PAM: variants seen among roughly 807,000 people sequenced by gnomAD.
PAM encodes peptidyl-glycine alpha-amidating monooxygenase.
A neutral mutation model predicts 122.1 loss-of-function variants in PAM; 72 were observed. The ratio of observed to expected loss-of-function variants is 0.59; its 90% CI spans 0.49 to 0.72. The LOEUF (loss-of-function observed/expected upper bound fraction) is 0.72, where lower values mean the gene tolerates loss of function less well. Ranked by LOEUF, PAM falls within the 30% of genes least tolerant of loss-of-function variation. PAM has a pLI of 0.00. For synonymous variants in PAM, 389 were observed against 404.4 expected (o/e 0.96, Z 0.46); for missense variants, 1,106 against 1,183.7 (o/e 0.93, Z 0.96).
chr5:102,969,533 A>G (rs1765200726), intron 14 of PAM, among the ~76,000 whole-genome samples: 1 of 152,132 alleles, frequency 6.6e-6, no homozygotes, highest in Non-Finnish European at 1.5e-5. Flanking sequence ...AGATTCCCAA[A>G]TGAGTACTGG....
chr5:102,908,737 AT>A (rs1800466952), intron 4 of PAM, among the ~76,000 whole-genome samples: 4 of 151,674 alleles, frequency 2.6e-5, no homozygotes, highest in African/African-American at 9.7e-5. Flanking sequence ...AAAAAAAATA[AT>A]AAATAAATAA....
At chr5:102,940,199 T>C (rs34279886) in intron 7 of PAM, among the ~76,000 whole-genome samples, 8,993 of 151,172 alleles carry the variant, frequency 0.059, 429 homozygotes, top group Non-Finnish European at 0.085. Flanking sequence ...TATTCAAAAA[T>C]TTATAATAGA....
At chr5:102,758,694 A>T (rs1751389603) in intron 1 of PAM, among the ~76,000 whole-genome samples, 1 of 152,204 alleles carries the variant, frequency 6.6e-6, no homozygotes, top group African/African-American at 2.4e-5. Flanking sequence ...CCTCTCCAAA[A>T]TGGGAATAAT....
chr5:103,000,183 T>C (rs755415970), intron 16 of PAM, among the ~76,000 whole-genome samples: 20 of 152,188 alleles, frequency 1.3e-4, no homozygotes, highest in Non-Finnish European at 2.1e-4. Flanking sequence ...AGACATTTCT[T>C]CCACCAGATC....
At chr5:102,954,134 A>G (rs1759921026) in intron 12 of PAM, among the ~76,000 whole-genome samples, 1 of 152,168 alleles carries the variant, frequency 6.6e-6, no homozygotes, top group Admixed American at 6.6e-5. Flanking sequence ...AAAAAATCAC[A>G]TTGTACCTTA....
intron 16 of PAM, among the ~76,000 whole-genome samples, chr5:102,992,181 G>C (rs1260308020): frequency 1.3e-5 from 2 of 152,122 alleles, no homozygotes; most frequent in African/African-American, 4.8e-5. Context: ...TGTGGAAATA[G>C]ATTCTGGTTT....
rs552136505 is a variant in PAM, at chr5:102,906,608, T to G, written c.268+5195T>G. Among the ~76,000 whole-genome samples the G allele has an allele frequency of 2.0e-5, 3 of 151,822 alleles. No homozygotes were observed. In the East Asian group the frequency reaches 5.9e-4, roughly 30 times the overall value. Reference sequence around the variant, plus strand: ...CTACTAGGGGACAAATTACTTCACTTCTCTTTCCTGAAGGCTCATCTATTT... The same window carrying G: ...CTACTAGGGGACAAATTACTTCACTGCTCTTTCCTGAAGGCTCATCTATTT... On this transcript the variant is annotated intron_variant, in intron 4 of 25. Transcript: ENST00000438793.
chr5:102,940,730 T>G (rs1017629031), intron 7 of PAM, among the ~76,000 whole-genome samples: 2 of 152,098 alleles, frequency 1.3e-5, no homozygotes, highest in African/African-American at 4.8e-5. Flanking sequence ...AGACAACTCT[T>G]TCAGAAGACA....
chr5:102,819,984 A>G (rs1771234812), intron 1 of PAM, among the ~76,000 whole-genome samples: 1 of 152,206 alleles, frequency 6.6e-6, no homozygotes, highest in Non-Finnish European at 1.5e-5. Flanking sequence ...TAAGTAGAGT[A>G]TGTTCCTTTA....
chr5:103,021,941 A>C (rs1273905949), intron 23 of PAM, among the ~76,000 whole-genome samples: 1 of 152,122 alleles, frequency 6.6e-6, no homozygotes, highest in African/African-American at 2.4e-5. Flanking sequence ...ACTAATTATT[A>C]TTAAAAAGGT....
At chr5:103,019,968 T>G (rs1241534950) in intron 23 of PAM, 125 bp downstream of exon 23, 8 of 738,248 alleles carry the variant, frequency 1.1e-5, no homozygotes, top group Middle Eastern at 2.4e-4. Context: ...TATCAGTGAC[T>G]TCTGCTATGT....
chr5:102,923,650 C>T (rs570373026), intron 5 of PAM, among the ~76,000 whole-genome samples: 14 of 152,296 alleles, frequency 9.2e-5, no homozygotes, highest in African/African-American at 3.1e-4. Context: ...GACATACTAC[C>T]ATCTATTAAT....
At chr5:102,835,863 T>C (rs1056165603) in intron 1 of PAM, among the ~76,000 whole-genome samples, 4 of 152,140 alleles carry the variant, frequency 2.6e-5, no homozygotes, top group African/African-American at 9.7e-5. Flanking sequence ...ATTGCAGAAA[T>C]TGCTATATAT....
intron 12 of PAM, among the ~76,000 whole-genome samples, chr5:102,952,530 G>A (rs1238581249): frequency 3.3e-5 from 5 of 151,656 alleles, no homozygotes; most frequent in African/African-American, 1.2e-4. Flanking sequence ...TATTGGGTGA[G>A]TCCATATTCT....
intron 1 of PAM, among the ~76,000 whole-genome samples, chr5:102,815,625 A>G (rs1019388840): frequency 6.6e-6 from 1 of 152,040 alleles, no homozygotes; most frequent in Non-Finnish European, 1.5e-5. Context: ...ATTCAGAAAA[A>G]ACTTGTGCTT....
rs560732353 is a variant in PAM, at chr5:102,968,793, C to T, written c.1163-5323C>T. Among the ~76,000 whole-genome samples the T allele has an allele frequency of 1.1e-4, 16 of 152,148 alleles. No homozygotes were observed. The East Asian group carries it at 1.9e-3, about 18-fold the overall frequency. On this transcript the variant is annotated intron_variant, in intron 14 of 25. Transcript: ENST00000438793. ...TACTGTAAAGACACATGCACACATG[C>T]GTTTATTGCAGCACTATTCCCAATA...
At chr5:103,005,775 A>G (rs1778769712) in intron 18 of PAM, among the ~76,000 whole-genome samples, 1 of 152,228 alleles carries the variant, frequency 6.6e-6, no homozygotes, top group Non-Finnish European at 1.5e-5. Flanking sequence ...ATGCTAGGGA[A>G]AGCTAGTATG....
chr5:102,854,338 A>G (rs924682435), intron 1 of PAM, among the ~76,000 whole-genome samples: 8 of 152,286 alleles, frequency 5.3e-5, no homozygotes, highest in Non-Finnish European at 1.0e-4. Context: ...CAAAAATGGG[A>G]ATGACTTCTC....
chr5:102,901,950 G>A (rs1035791403), intron 4 of PAM, among the ~76,000 whole-genome samples: 13 of 151,576 alleles, frequency 8.6e-5, no homozygotes, highest in Non-Finnish European at 1.8e-4. Context: ...ATAAGAGAAC[G>A]CTTAAATGAC....
Sources: allele counts gnomAD v4.1 joint callset (sites outside exome capture counted in the v4.1 genomes callset), GRCh38; gene constraint gnomAD v4.1.1; transcripts MANE v1.5; gene names NCBI Gene and HGNC (gene_info 2026-07-23, HGNC 2026-07-21).